Variants in VCL observed in about 807,000 individuals in gnomAD.
VCL encodes epididymis luminal protein 114.
In VCL, 47 loss-of-function variants were observed where a neutral mutation model predicts 125.7. That is an observed-to-expected ratio of 0.37 (90% CI 0.30 to 0.48). VCL has a LOEUF of 0.48. Among genes scored for constraint, VCL ranks in the 20% least tolerant of loss-of-function variants. The pLI is 0.99. For missense variants in VCL, 1,069 were observed against 1,455.5 expected (o/e 0.73, Z 4.32); for synonymous variants, 458 against 514.6 (o/e 0.89, Z 1.49).
chr10:74,051,565 G>GT (rs1301632309), intron 2 of VCL, among the ~76,000 whole-genome samples: 1 of 152,216 alleles, frequency 6.6e-6, no homozygotes, highest in Non-Finnish European at 1.5e-5. Flanking sequence ...GGTGTTGAAA[G>GT]TTACTCAGTT....
Position 74,070,766 on chromosome 10 carries a change from A to C in VCL, c.336A>C (p.Ser112=). The part of the protein sequence containing the change: ...VPARDYLIDG[S]RGILSGTSDL... ...CTCGAGATTATCTAATTGATGGGTC[A>C]AGGGGCATCCTCTCTGGAACATCAG... is the stretch of plus-strand genomic sequence containing the variant. Residue 112 remains serine, a synonymous_variant, in exon 3 of 22, where the codon TCA becomes TCC. Coordinates refer to ENST00000211998, the MANE Select transcript of VCL (RefSeq NM_014000.3). 4 of 1,614,154 alleles carry C rather than the reference A, an allele frequency of 2.5e-6. No individual in the cohort carries two copies. Among genetic ancestry groups the C allele is most frequent in the Non-Finnish European group, 3.4e-6 (4 of 1,180,024 alleles).
At chr10:74,024,427 G>A (rs1316363490) in intron 1 of VCL, among the ~76,000 whole-genome samples, 2 of 151,978 alleles carry the variant, frequency 1.3e-5, no homozygotes, top group Non-Finnish European at 2.9e-5. Context: ...CCTGGCCAAC[G>A]TGGTGAAACC....
intron 1 of VCL, among the ~76,000 whole-genome samples, chr10:73,999,636 T>C (rs574183766): frequency 2.0e-5 from 3 of 152,298 alleles, no homozygotes; most frequent in African/African-American, 7.2e-5. Context: ...TTGAGCACTT[T>C]AGTGCACTTA....
chr10:74,100,753 G>A (rs899568951), intron 13 of VCL, among the ~76,000 whole-genome samples, 195 bp from the exon 14 acceptor site: 1 of 152,126 alleles, frequency 6.6e-6, no homozygotes, highest in South Asian at 2.1e-4. Flanking sequence ...GCACATGATG[G>A]TGATGGCTAA....
At chr10:74,105,453 G>A in intron 16 of VCL, 100 bp downstream of exon 16, 1 of 1,485,800 alleles carries the variant, frequency 6.7e-7, no homozygotes, top group Non-Finnish European at 9.3e-7. Context: ...TACAAAGTCT[G>A]GGGGCAAAAA....
chr10:74,014,117 A>C (rs1280245056), intron 1 of VCL, among the ~76,000 whole-genome samples: 3 of 152,234 alleles, frequency 2.0e-5, no homozygotes, highest in African/African-American at 7.2e-5. Flanking sequence ...TTTTGTTAGA[A>C]GCAATAGTGA....
At chr10:74,051,169 C>G (rs1216815180) in intron 2 of VCL, among the ~76,000 whole-genome samples, 1 of 151,744 alleles carries the variant, frequency 6.6e-6, no homozygotes, top group Non-Finnish European at 1.5e-5. Context: ...GAACTCCTGG[C>G]CTCAAGTGAT....
intron 1 of VCL, among the ~76,000 whole-genome samples, chr10:74,018,684 T>G (rs755321662): frequency 1.3e-5 from 2 of 151,758 alleles, no homozygotes; most frequent in Admixed American, 6.6e-5. Context: ...ATAAATCAGT[T>G]AAAAAAAACA....
chr10:74,062,865 C>T (rs1478797141), intron 2 of VCL, among the ~76,000 whole-genome samples: 6 of 151,916 alleles, frequency 3.9e-5, no homozygotes, highest in East Asian at 1.9e-4. Context: ...GCCAGGAGTT[C>T]GAGACCAGCC....
chr10:74,031,398 T>C (rs1840871025), intron 1 of VCL, among the ~76,000 whole-genome samples: 1 of 152,050 alleles, frequency 6.6e-6, no homozygotes, highest in East Asian at 1.9e-4. Flanking sequence ...GTATGCTTGG[T>C]TTTCTCCAGT....
rs1400174530 is a variant in VCL at position 74,074,811 on chromosome 10, A to C, written c.691A>C (p.Asn231His). The change falls in exon 6 of 22, where the codon AAT (asparagine) becomes CAT (histidine). Residue 231 changes from asparagine (N) to histidine (H), a missense_variant. Around this residue, in one of 6 missense-constraint regions of VCL, gnomAD observed 760 missense variants for 928.9 expected, o/e 0.82. Transcript: ENST00000211998. Reference sequence around the variant, plus strand: ...CATAGAGGAAGCTTTAAAAAATCGCAATTTTACTGTAGAAAAAATGAGTGC... The same window carrying C: ...CATAGAGGAAGCTTTAAAAAATCGCCATTTTACTGTAGAAAAAATGAGTGC... ...QGIEEALKNRNFTVEKMSAEI... is the reference protein window; with the variant it reads ...QGIEEALKNRHFTVEKMSAEI... 6.2e-7 allele frequency: 1 copy of C among 1,614,164 alleles called. No individual in the cohort carries two copies. Among genetic ancestry groups the C allele is most frequent in the Admixed American group, 1.7e-5 (1 of 60,012 alleles).
intron 11 of VCL, 26 bp from the exon 12 acceptor site, chr10:74,095,630 G>A (rs1360305179): frequency 6.2e-7 from 1 of 1,612,926 alleles, no homozygotes; most frequent in East Asian, 2.2e-5. Flanking sequence ...GGTCTTGTAA[G>A]TTTCATTGTT....
intron 1 of VCL, among the ~76,000 whole-genome samples, chr10:74,019,167 C>T (rs1840614423): frequency 6.6e-6 from 1 of 152,164 alleles, no homozygotes; most frequent in African/African-American, 2.4e-5. Flanking sequence ...AGTACATTTA[C>T]AGGATAATTT....
intron 1 of VCL, among the ~76,000 whole-genome samples, chr10:74,028,991 G>A (rs1467547114): frequency 6.6e-6 from 1 of 151,716 alleles, no homozygotes; most frequent in Admixed American, 6.6e-5. Flanking sequence ...GCCGATTTTT[G>A]TATTTTGAGT....
intron 1 of VCL, among the ~76,000 whole-genome samples, chr10:74,035,642 C>T (rs1232658880): frequency 6.6e-6 from 1 of 152,136 alleles, no homozygotes; most frequent in Non-Finnish European, 1.5e-5. Context: ...GAGTTAAAAG[C>T]TATTCTCTGA....
chr10:74,077,580 CTG>C, intron 6 of VCL: 4 of 259,430 alleles, frequency 1.5e-5, no homozygotes, highest in South Asian at 1.5e-4. Flanking sequence ...TTTTGTCTGA[CTG>C]TGACTGCTGG....
chr10:74,077,789 A>G (rs1159934091), intron 6 of VCL: 1 of 452,538 alleles, frequency 2.2e-6, no homozygotes, highest in Non-Finnish European at 4.4e-6. Context: ...GTCTTGCCGA[A>G]TAAGTTAAGA....
At chr10:74,107,160 C>A (rs909283144) in intron 16 of VCL, 70 bp from the exon 17 acceptor site, 6 of 1,612,408 alleles carry the variant, frequency 3.7e-6, no homozygotes, top group Non-Finnish European at 5.1e-6. Context: ...GGAACCAGTT[C>A]TGCTGCTGCA....
At chr10:74,120,882 C>G (rs1347517799), downstream of VCL, 1 of 152,164 alleles carries the variant, frequency 6.6e-6, no homozygotes, top group East Asian at 1.9e-4. Flanking sequence ...AGGGATCCAC[C>G]AGGGCTATAA....
Sources: allele counts gnomAD v4.1 joint callset (sites outside exome capture counted in the v4.1 genomes callset), GRCh38; gene constraint gnomAD v4.1.1; regional missense constraint gnomAD v4.1.1; transcripts MANE v1.5; gene names NCBI Gene and HGNC (gene_info 2026-07-23, HGNC 2026-07-21).